The following INPP4B variants were observed in gnomAD, a reference collection of about 807,000 sequenced individuals.
The protein encoded by INPP4B is inositol polyphosphate 4-phosphatase type II.
Under a neutral mutation model 122.5 loss-of-function variants are expected in INPP4B, and 55 were observed. The observed-to-expected ratio is 0.45, with a 90% confidence interval of 0.36 to 0.56. INPP4B has a LOEUF of 0.56. INPP4B is among the 20% of genes least tolerant of loss of function. The pLI is 0.00. For synonymous variants in INPP4B, 403 were observed against 388.7 expected (o/e 1.04, Z -0.43); for missense variants, 1,000 against 1,097.7 (o/e 0.91, Z 1.26).
intron 16 of INPP4B, among the ~76,000 whole-genome samples, chr4:142,170,227 G>A (rs1367564030): frequency 6.6e-6 from 1 of 151,496 alleles, no homozygotes; most frequent in Non-Finnish European, 1.5e-5. Flanking sequence ...TACACCATAA[G>A]ATTATACTAT....
At chr4:142,180,018 A>G (rs1333301950) in intron 15 of INPP4B, among the ~76,000 whole-genome samples, 1 of 152,132 alleles carries the variant, frequency 6.6e-6, no homozygotes, top group African/African-American at 2.4e-5. Context: ...AATATACTTG[A>G]TCAAAGTACA....
intron 1 of INPP4B, among the ~76,000 whole-genome samples, chr4:142,837,061 G>C (rs1355307522): frequency 6.6e-6 from 1 of 151,824 alleles, no homozygotes; most frequent in African/African-American, 2.4e-5. Context: ...AGCTACTTGG[G>C]AGGAGAATCA....
chr4:142,063,541 A>G (rs28660648), intron 25 of INPP4B, among the ~76,000 whole-genome samples: 3,886 of 152,296 alleles, frequency 0.026, 185 homozygotes, highest in African/African-American at 0.089. Context: ...TCAGAAACAT[A>G]TTGACAAAAC....
intron 7 of INPP4B, among the ~76,000 whole-genome samples, chr4:142,354,701 A>G (rs895471044): frequency 6.6e-6 from 1 of 152,022 alleles, no homozygotes; most frequent in African/African-American, 2.4e-5. Flanking sequence ...TTTCATTGGA[A>G]TGACCTTTAT....
At chr4:142,194,069 G>A (rs553629044) in intron 14 of INPP4B, among the ~76,000 whole-genome samples, 9 of 152,128 alleles carry the variant, frequency 5.9e-5, no homozygotes, top group East Asian at 5.8e-4. Context: ...TCTCATTTAC[G>A]AGGAAAACAT....
At chr4:142,175,468 T>C (rs1321967542) in intron 15 of INPP4B, among the ~76,000 whole-genome samples, 1 of 152,102 alleles carries the variant, frequency 6.6e-6, no homozygotes, top group Non-Finnish European at 1.5e-5. Context: ...ATTCAGAAGA[T>C]TGAACAAGAA....
intron 3 of INPP4B, among the ~76,000 whole-genome samples, chr4:142,437,523 C>A (rs1057303232): frequency 2.6e-5 from 4 of 152,100 alleles, no homozygotes; most frequent in African/African-American, 9.7e-5. Flanking sequence ...GGCCAGGTCA[C>A]CTACAAAAGG....
At chr4:142,321,257 T>C (rs1769896025) in intron 7 of INPP4B, among the ~76,000 whole-genome samples, 1 of 152,216 alleles carries the variant, frequency 6.6e-6, no homozygotes. Context: ...GTTGGCCATT[T>C]ATATTTCTTT....
At chr4:142,756,878 G>C (rs1229893080) in intron 1 of INPP4B, among the ~76,000 whole-genome samples, 1 of 152,056 alleles carries the variant, frequency 6.6e-6, no homozygotes, top group African/African-American at 2.4e-5. Context: ...TAAATGTAAA[G>C]TCATAGATTT....
intron 2 of INPP4B, among the ~76,000 whole-genome samples, chr4:142,624,293 T>G (rs1745739704): frequency 1.3e-5 from 2 of 151,834 alleles, no homozygotes. Context: ...CATTGTGGTT[T>G]TGATTTGCAT....
chr4:142,272,996 A>C (rs777687514), intron 9 of INPP4B, among the ~76,000 whole-genome samples: 19 of 152,014 alleles, frequency 1.2e-4, no homozygotes, highest in African/African-American at 1.9e-4. Context: ...ACTGATTTGC[A>C]ACAGAAGAGC....
chr4:142,135,925 T>C (rs1014317749), intron 18 of INPP4B, among the ~76,000 whole-genome samples: 6 of 152,016 alleles, frequency 3.9e-5, no homozygotes, highest in African/African-American at 1.5e-4. Flanking sequence ...GCCTCCTGAG[T>C]ATCTGGGACT....
At chr4:142,233,457 A>T (rs1172780041) in intron 12 of INPP4B, among the ~76,000 whole-genome samples, 1 of 152,074 alleles carries the variant, frequency 6.6e-6, no homozygotes, top group African/African-American at 2.4e-5. Context: ...AACAAGCAAA[A>T]TTTTTGCTTA....
intron 2 of INPP4B, among the ~76,000 whole-genome samples, chr4:142,624,151 T>A (rs1181461969): frequency 6.6e-6 from 1 of 151,730 alleles, no homozygotes; most frequent in Non-Finnish European, 1.5e-5. Flanking sequence ...CACACTGACT[T>A]CCACAATGGT....
rs1240234969 is a variant in INPP4B, at chr4:142,107,854, G to A, written c.2374+239C>T. ...TTTTATTATTTGGCATTTTCCAGTGGCAATGAAATTAATGTCTCAGAATGA... is the reference window on the plus strand; with the variant it reads ...TTTTATTATTTGGCATTTTCCAGTGACAATGAAATTAATGTCTCAGAATGA... On this transcript the variant is annotated intron_variant, in intron 23 of 25. Transcript: ENST00000262992. Among the ~76,000 whole-genome samples, 5 of 152,020 alleles carry A rather than the reference G, an allele frequency of 3.3e-5. 1 individual carries two copies. The highest frequency in any genetic ancestry group is 4.1e-4 in the South Asian group (2 of 4,824).
intron 1 of INPP4B, among the ~76,000 whole-genome samples, chr4:142,784,206 T>C (rs1775363732): frequency 6.6e-6 from 1 of 151,528 alleles, no homozygotes; most frequent in Non-Finnish European, 1.5e-5. Flanking sequence ...CTACTAACAG[T>C]TCAAAAATTA....
intron 2 of INPP4B, among the ~76,000 whole-genome samples, chr4:142,473,921 C>A (rs535500616): frequency 2.6e-5 from 4 of 152,172 alleles, no homozygotes; most frequent in Non-Finnish European, 5.9e-5. Context: ...CCCACCCTTG[C>A]CTTGGATAGC....
rs111834727 is a variant in INPP4B at position 142,790,201 on chromosome 4, C to T, written c.-254+56008G>A. On this transcript the variant is annotated intron_variant, in intron 1 of 25. Coordinates refer to ENST00000262992, the MANE Select transcript of INPP4B (RefSeq NM_001101669.3). ...AATTTCATGACCAAGAACCCAAAAG[C>T]AAATCCAATAAAAACACAGATAAAT... is the stretch of plus-strand genomic sequence containing the variant. 1.4e-3 allele frequency among the ~76,000 whole-genome samples: 208 copies of T among 152,144 alleles called. 1 individual carries two copies. The highest frequency in any genetic ancestry group is 5.0e-3 in the African/African-American group (206 of 41,536).
intron 23 of INPP4B, among the ~76,000 whole-genome samples, chr4:142,099,044 CTA>C (rs1561112647): frequency 6.6e-6 from 1 of 152,048 alleles, no homozygotes. Context: ...TAAGAAATAA[CTA>C]TGTCACACTT....
Sources: allele counts gnomAD v4.1 joint callset (sites outside exome capture counted in the v4.1 genomes callset), GRCh38; gene constraint gnomAD v4.1.1; transcripts MANE v1.5; gene names NCBI Gene and HGNC (gene_info 2026-07-23, HGNC 2026-07-21).